The following TSGA10 variants were observed in gnomAD, a reference collection of about 807,000 sequenced individuals.
TSGA10 encodes the protein testis specific 10.
In TSGA10, 43 loss-of-function variants were observed where a neutral mutation model predicts 96.6. The ratio of observed to expected loss-of-function variants is 0.44; its 90% CI spans 0.35 to 0.57. The LOEUF (loss-of-function observed/expected upper bound fraction) is 0.57. TSGA10 is among the 20% of genes least tolerant of loss of function. TSGA10 has a pLI of 0.01. For missense variants in TSGA10, 703 were observed against 834.4 expected (o/e 0.84, Z 1.94); for synonymous variants, 229 against 269.9 (o/e 0.85, Z 1.48).
At chr2:99,043,100 A>G (rs1013015165) in intron 16 of TSGA10, among the ~76,000 whole-genome samples, 27 of 152,226 alleles carry the variant, frequency 1.8e-4, no homozygotes, top group African/African-American at 6.3e-4. Flanking sequence ...AATATGTTCA[A>G]GGACCTAATG....
At chr2:99,050,525 GA>G (rs1049745932) in intron 16 of TSGA10, among the ~76,000 whole-genome samples, 4 of 151,912 alleles carry the variant, frequency 2.6e-5, no homozygotes, top group African/African-American at 9.7e-5. Flanking sequence ...AACAGTAATA[GA>G]AAAAAATGGA....
intron 11 of TSGA10, among the ~76,000 whole-genome samples, chr2:99,080,428 C>T (rs1269996749): frequency 6.6e-6 from 1 of 152,106 alleles, no homozygotes; most frequent in Admixed American, 6.6e-5. Context: ...TCTTCTCATT[C>T]TCTATATTTC....
chr2:99,033,282 G>A (rs532067623), intron 17 of TSGA10, among the ~76,000 whole-genome samples: 13 of 152,272 alleles, frequency 8.5e-5, no homozygotes, highest in East Asian at 3.9e-4. Flanking sequence ...ATGTCTGTTC[G>A]CATAGCTCTG....
At chr2:99,119,569 T>C (rs987365761) in intron 2 of TSGA10, among the ~76,000 whole-genome samples, 21 of 152,190 alleles carry the variant, frequency 1.4e-4, no homozygotes, top group Non-Finnish European at 2.8e-4. Context: ...CAAAGAACCC[T>C]CCTTATGAGA....
chr2:99,002,647 A>G (rs1397648163), intron 20 of TSGA10, among the ~76,000 whole-genome samples: 2 of 152,170 alleles, frequency 1.3e-5, no homozygotes, highest in African/African-American at 4.8e-5. Context: ...ATTAACCTTA[A>G]ACGTAAATGG....
chr2:99,120,034 A>G (rs2092488500), intron 2 of TSGA10, among the ~76,000 whole-genome samples: 1 of 152,096 alleles, frequency 6.6e-6, no homozygotes, highest in Admixed American at 6.6e-5. Flanking sequence ...GTGCCCATAA[A>G]GCCTCTTATA....
intron 1 of TSGA10, among the ~76,000 whole-genome samples, chr2:99,145,349 G>A (rs1276091397): frequency 6.6e-6 from 1 of 152,094 alleles, no homozygotes; most frequent in Non-Finnish European, 1.5e-5. Context: ...CTTGAGGTCA[G>A]GAGTTCAAGA....
At chr2:99,107,292 C>T (rs2104828237) in intron 7 of TSGA10, among the ~76,000 whole-genome samples, 1 of 152,266 alleles carries the variant, frequency 6.6e-6, no homozygotes, top group East Asian at 1.9e-4. Flanking sequence ...GTGTAACAGC[C>T]TTCTAAAGAG....
chr2:99,082,725 C>T (rs1405264709), intron 10 of TSGA10, among the ~76,000 whole-genome samples: 1 of 152,118 alleles, frequency 6.6e-6, no homozygotes, highest in Non-Finnish European at 1.5e-5. Flanking sequence ...ACAATCCAAC[C>T]TTAGTGGGAG....
chr2:99,059,555 C>T (rs1224073148), intron 16 of TSGA10, among the ~76,000 whole-genome samples: 1 of 150,632 alleles, frequency 6.6e-6, no homozygotes, highest in African/African-American at 2.4e-5. Context: ...AGGAGAATTG[C>T]TTGAACCTGG....
chr2:99,127,531 A>G (rs1319304722), intron 1 of TSGA10, among the ~76,000 whole-genome samples: 1 of 152,360 alleles, frequency 6.6e-6, no homozygotes, highest in East Asian at 1.9e-4. Flanking sequence ...CTATACAAGA[A>G]AAAAGGTTTG....
intron 1 of TSGA10, among the ~76,000 whole-genome samples, chr2:99,152,343 G>C (rs915121434): frequency 6.6e-6 from 1 of 152,200 alleles, no homozygotes; most frequent in African/African-American, 2.4e-5. Context: ...CTGGAGTGCA[G>C]TGGAGCGATC....
chr2:99,098,751 A>G (rs1457740314), intron 10 of TSGA10, among the ~76,000 whole-genome samples: 2 of 152,170 alleles, frequency 1.3e-5, no homozygotes, highest in Non-Finnish European at 2.9e-5. Context: ...ATAACATTAT[A>G]CTAAACATCC....
rs1170341564 is a variant in TSGA10, at chr2:99,154,860, G to A, written c.-788C>T. On this transcript the variant is annotated 5_prime_UTR_variant, in exon 1 of 21. Transcript: ENST00000393483. ...ACTTAGCACTCCTGCGGGCTGCCGG[G>A]ACCCCACGGCTCCGCAGGCGGAGAG... 5.7e-6 allele frequency: 2 copies of A among 350,880 alleles called. No individual in the cohort carries two copies. Among genetic ancestry groups the A allele is most frequent in the South Asian group, 2.0e-5 (1 of 48,850 alleles). 21.7% of individuals were successfully genotyped at this position (350,880 alleles called of 1,614,324 possible). A position where few individuals can be genotyped will look rare whatever the true frequency, so the allele number is the denominator to read the frequency against.
chr2:99,120,833 T>C (rs75073783), intron 2 of TSGA10, among the ~76,000 whole-genome samples: 9,086 of 152,216 alleles, frequency 0.06, 525 homozygotes, highest in East Asian at 0.21. Flanking sequence ...TGCTGCCCCT[T>C]TATATTCTCC....
intron 1 of TSGA10, chr2:99,142,350 T>G (rs1223321300): frequency 6.6e-6 from 1 of 152,222 alleles, no homozygotes; most frequent in Non-Finnish European, 1.5e-5. Flanking sequence ...ACGCTGTGTA[T>G]TTCAAGAGTA....
intron 1 of TSGA10, among the ~76,000 whole-genome samples, chr2:99,129,570 C>A (rs182813313): frequency 1.3e-5 from 2 of 152,206 alleles, no homozygotes; most frequent in Admixed American, 1.3e-4. Flanking sequence ...GCTTTGGGGG[C>A]AATATCACTA....
intron 1 of TSGA10, among the ~76,000 whole-genome samples, chr2:99,128,464 G>A (rs2092932179): frequency 6.6e-6 from 1 of 152,166 alleles, no homozygotes; most frequent in Non-Finnish European, 1.5e-5. Flanking sequence ...CCTCACTAGA[G>A]CAGTACTGTT....
intron 4 of TSGA10, among the ~76,000 whole-genome samples, chr2:99,114,985 G>A (rs945459759): frequency 1.1e-4 from 17 of 152,050 alleles, no homozygotes; most frequent in Admixed American, 3.9e-4. Context: ...GCTCAGGCTA[G>A]AGCGTGACGT....
Sources: allele counts gnomAD v4.1 joint callset (sites outside exome capture counted in the v4.1 genomes callset), GRCh38; gene constraint gnomAD v4.1.1; transcripts MANE v1.5; gene names NCBI Gene and HGNC (gene_info 2026-07-23, HGNC 2026-07-21).